The following GSTT4 variants were observed in gnomAD, a reference collection of about 807,000 sequenced individuals.
The protein encoded by GSTT4 is glutathione S-transferase theta-4.
chr22:24,001,891 T>C (rs1210736060), intron 2 of GSTT4, among the ~76,000 whole-genome samples: 1 of 152,280 alleles, frequency 6.6e-6, no homozygotes, highest in Admixed American at 6.5e-5. Context: ...CTTGGGAAGC[T>C]GAGGCACGGG....
intron 2 of GSTT4, among the ~76,000 whole-genome samples, chr22:24,003,377 T>C (rs538589887): frequency 0.18 from 11,665 of 66,300 alleles, no homozygotes; most frequent in South Asian, 0.26. Context: ...TGCTGGCTAA[T>C]TTTTGTATTT....
intron 2 of GSTT4, among the ~76,000 whole-genome samples, 152 bp downstream of exon 2, chr22:24,003,608 A>G (rs146780101): frequency 0.054 from 8,138 of 151,964 alleles, 424 homozygotes; most frequent in African/African-American, 0.19. Context: ...TGGGCGATGG[A>G]TTTGTGGGGT....
chr22:23,995,141 GTTTTTT>G, downstream of GSTT4, among the ~76,000 whole-genome samples: 1 of 141,260 alleles, frequency 7.1e-6, no homozygotes, highest in African/African-American at 2.5e-5. Context: ...TTGTTTGTTT[GTTTTTT>G]TTTTGAGTCA....
downstream of GSTT4, among the ~76,000 whole-genome samples, chr22:23,996,684 A>G (rs774012698): frequency 2.0e-5 from 3 of 152,202 alleles, no homozygotes; most frequent in Non-Finnish European, 4.4e-5. Flanking sequence ...GATAAATCCT[A>G]CCTGGTCAAG....
rs575641267 is a variant in GSTT4, at chr22:23,998,652, G to C, written c.616C>G (p.Leu206Val). Reference sequence around the variant, plus strand: ...AGTCGATCATGGGCCTCCCTAAAGAGGCCAGAGCCAATATTCAGCTCCACC... The same window carrying C: ...AGTCGATCATGGGCCTCCCTAAAGACGCCAGAGCCAATATTCAGCTCCACC... ...MQVELNIGSGLFREAHDRLMQ... is the reference protein window; with the variant it reads ...MQVELNIGSGVFREAHDRLMQ... The change falls in exon 5 of 5, where the codon CTC (leucine) becomes GTC (valine). Residue 206 changes from leucine (L) to valine (V), a missense_variant. Physicochemically the swap from Leu to Val is conservative, Grantham distance 32. Coordinates refer to ENST00000621179, the MANE Select transcript of GSTT4 (RefSeq NM_001358664.2). 3.9e-5 allele frequency: 6 copies of C among 154,982 alleles called. No homozygotes were observed. Among genetic ancestry groups the C allele is most frequent in the African/African-American group, 1.4e-4 (6 of 41,604 alleles). 9.6% of individuals were successfully genotyped at this position (154,982 alleles called of 1,614,324 possible). A position where few individuals can be genotyped will look rare whatever the true frequency, so the allele number is the denominator to read the frequency against.
chr22:24,002,737 A>C (rs931966025), intron 2 of GSTT4, among the ~76,000 whole-genome samples: 2 of 121,700 alleles, frequency 1.6e-5, no homozygotes, highest in African/African-American at 5.7e-5. Flanking sequence ...AGGCTGAGGC[A>C]GGAGAATGGC....
intron 2 of GSTT4, among the ~76,000 whole-genome samples, chr22:24,002,626 C>G (rs1276575990): frequency 1.8e-4 from 10 of 54,090 alleles, no homozygotes; most frequent in Non-Finnish European, 4.0e-4. Context: ...GTCAGGAGAT[C>G]GAGACCATCC....
At chr22:23,993,160 C>T in the GSTT4 span, among the ~76,000 whole-genome samples, 1 of 152,204 alleles carries the variant, frequency 6.6e-6, no homozygotes, top group South Asian at 2.1e-4. Flanking sequence ...CTCTTTTCTC[C>T]ATTGAAGACA....
downstream of GSTT4, among the ~76,000 whole-genome samples, chr22:23,996,679 A>G (rs1367867156): frequency 6.6e-6 from 1 of 152,188 alleles, no homozygotes; most frequent in Non-Finnish European, 1.5e-5. Flanking sequence ...CCTGGGATAA[A>G]TCCTACCTGG....
chr22:23,999,741 G>A (rs924278039), intron 4 of GSTT4, among the ~76,000 whole-genome samples: 70 of 143,846 alleles, frequency 4.9e-4, no homozygotes, highest in Middle Eastern at 3.4e-3. Context: ...AACATTTCCT[G>A]GAGAGTCCAG....
At chr22:23,993,853 A>G (rs2034090936), downstream of GSTT4, among the ~76,000 whole-genome samples, 1 of 105,908 alleles carries the variant, frequency 9.4e-6, no homozygotes, top group Non-Finnish European at 2.1e-5. Flanking sequence ...ACAAGTAGGC[A>G]TATCATGTTC....
chr22:23,995,316 T>A (rs546923645), downstream of GSTT4, among the ~76,000 whole-genome samples: 22 of 152,316 alleles, frequency 1.4e-4, no homozygotes, highest in African/African-American at 1.9e-4. Context: ...GACAAGCTTT[T>A]GGAATTGAAC....
At chr22:23,999,148 G>T (rs189273079) in intron 4 of GSTT4, among the ~76,000 whole-genome samples, 9 of 152,254 alleles carry the variant, frequency 5.9e-5, no homozygotes, top group African/African-American at 1.9e-4. Flanking sequence ...AAGCTCAGGG[G>T]CTAGGATGGG....
the GSTT4 span, among the ~76,000 whole-genome samples, chr22:23,991,830 G>C: frequency 7.7e-6 from 1 of 129,266 alleles, no homozygotes; most frequent in Non-Finnish European, 1.7e-5. Context: ...CGAGGGGGGT[G>C]GATCACGAGG....
downstream of GSTT4, among the ~76,000 whole-genome samples, chr22:23,996,888 AAG>A (rs1459947645): frequency 2.0e-5 from 3 of 151,902 alleles, no homozygotes; most frequent in African/African-American, 7.3e-5. Context: ...ATTTTTTTGG[AAG>A]AGTTTGTGAA....
At chr22:23,994,788 T>C (rs1220034922), downstream of GSTT4, among the ~76,000 whole-genome samples, 1 of 152,112 alleles carries the variant, frequency 6.6e-6, no homozygotes, top group African/African-American at 2.4e-5. Flanking sequence ...TGGTTGTGGG[T>C]ACTTTTCTAG....
At chr22:23,989,421 A>ATGGC in the GSTT4 span, among the ~76,000 whole-genome samples, 6 of 139,998 alleles carry the variant, frequency 4.3e-5, no homozygotes, top group African/African-American at 1.5e-4. Flanking sequence ...TCCTTGAAGC[A>ATGGC]TGGCTCAAGG....
chr22:24,002,844 A>AC (rs1191723007), intron 2 of GSTT4, among the ~76,000 whole-genome samples: 4 of 37,338 alleles, frequency 1.1e-4, no homozygotes, highest in South Asian at 1.3e-3. Flanking sequence ...AAAAAAAAAA[A>AC]AAAAAACTTC....
chr22:23,994,212 A>G (rs1444523433), downstream of GSTT4, among the ~76,000 whole-genome samples: 1 of 150,062 alleles, frequency 6.7e-6, no homozygotes, highest in African/African-American at 2.4e-5. Context: ...TGAACAATGT[A>G]ATCATATTTT....
Sources: gnomAD v4.1 joint callset for allele counts (sites outside exome capture counted in the v4.1 genomes callset) on GRCh38, gnomAD v4.1.1 for gene constraint, MANE v1.5 for transcripts, NCBI Gene and HGNC (gene_info 2026-07-23, HGNC 2026-07-21) for gene names.